Variants in RAI1 observed in about 807,000 individuals in gnomAD.
RAI1 encodes the protein retinoic acid-induced protein 1.
A neutral mutation model predicts 123.8 loss-of-function variants in RAI1; 9 were observed. The ratio of observed to expected loss-of-function variants is 0.07; its 90% CI spans 0.04 to 0.13. RAI1 has a LOEUF of 0.13. RAI1 is among the 10% of genes least tolerant of loss of function. The pLI is 1.00. For missense variants in RAI1, 2,256 were observed against 2,545.8 expected, an observed-to-expected ratio of 0.89 and a Z score of 2.45; for synonymous variants, 1,231 against 1,127.3, an observed-to-expected ratio of 1.09 and a Z score of -1.84.
intron 2 of RAI1, among the ~76,000 whole-genome samples, chr17:17,740,209 T>C (rs558194860): frequency 6.6e-6 from 1 of 152,324 alleles, no homozygotes; most frequent in Non-Finnish European, 1.5e-5. Context: ...GGAAAGGAGC[T>C]GTGCAGCCTC....
chr17:17,808,677 G>A (rs888763529), intron 4 of RAI1, among the ~76,000 whole-genome samples: 1 of 152,214 alleles, frequency 6.6e-6, no homozygotes, highest in Admixed American at 6.5e-5. Context: ...GAACTCCTGG[G>A]CTCAAGCGAT....
chr17:17,758,046 T>C (rs1008795291), intron 2 of RAI1, among the ~76,000 whole-genome samples: 6 of 152,218 alleles, frequency 3.9e-5, no homozygotes, highest in Non-Finnish European at 5.9e-5. Context: ...CCAGAGACAT[T>C]ATAAATCAAA....
rs2032706166 is a variant in RAI1 at position 17,810,210 on chromosome 17, A to ACGGCACAGGGCGTTCTTGCC, written c.*231_*250dup. 1 of 634,090 alleles carries ACGGCACAGGGCGTTCTTGCC rather than the reference A, an allele frequency of 1.6e-6. No individual in the cohort carries two copies. Among genetic ancestry groups the ACGGCACAGGGCGTTCTTGCC allele is most frequent in the African/African-American group, 1.9e-5 (1 of 51,980 alleles). The allele number at this position is 634,090 out of a possible 1,614,324, so 39.3% of individuals were successfully genotyped here. On this transcript the variant is annotated 3_prime_UTR_variant, in exon 6 of 6. Coordinates refer to ENST00000353383, the MANE Select transcript of RAI1 (RefSeq NM_030665.4). This position sits in a 1 kb window ranked among gnomAD's most constrained non-coding sequence, Gnocchi z 4.6. Reference sequence around the variant, plus strand: ...CGGAGCCGCCTGCTCCCGGAACCGGACGGCACAGGGCGTTCTTGCCCACCC... The same window carrying ACGGCACAGGGCGTTCTTGCC: ...CGGAGCCGCCTGCTCCCGGAACCGGACGGCACAGGGCGTTCTTGCCCGGCACAGGGCGTTCTTGCCCACCC...
At chr17:17,753,432 C>CT (rs2030298069) in intron 2 of RAI1, among the ~76,000 whole-genome samples, 1 of 152,234 alleles carries the variant, frequency 6.6e-6, no homozygotes, top group Non-Finnish European at 1.5e-5. Context: ...CAAAAGGGAG[C>CT]TAAACTCATG....
intron 2 of RAI1, among the ~76,000 whole-genome samples, chr17:17,754,926 G>A (rs561563345): frequency 9.1e-4 from 138 of 152,354 alleles, no homozygotes; most frequent in Non-Finnish European, 1.5e-3. Flanking sequence ...CTCTGAGAGG[G>A]CTGGTAATTT....
rs191286357 is a variant in RAI1, at chr17:17,797,142, G to A, written c.4194G>A (p.Pro1398=). ...AGCTCCCAACTTCTGGGGCTGATCC[G>A]TTATGCAGAAATCCAACCAACAGAT... ...GQKLPTSGAD[P]LCRNPTNRSL... is the part of the protein sequence containing the mutation. Residue 1398 remains proline, a synonymous_variant, in exon 3 of 6, where the codon CCG becomes CCA. Transcript: ENST00000353383. 5.3e-5 allele frequency: 85 copies of A among 1,614,026 alleles called. No individual in the cohort carries two copies. The highest frequency in any genetic ancestry group is 2.2e-4 in the East Asian group (10 of 44,880).
At chr17:17,697,999 G>A (rs74581346) in intron 1 of RAI1, among the ~76,000 whole-genome samples, 9 of 152,242 alleles carry the variant, frequency 5.9e-5, no homozygotes, top group Admixed American at 5.2e-4. Flanking sequence ...TTTTCCATCC[G>A]GCCCTGGGTG....
At chr17:17,695,452 C>T (rs1260436498) in intron 1 of RAI1, among the ~76,000 whole-genome samples, 4 of 152,196 alleles carry the variant, frequency 2.6e-5, no homozygotes, top group African/African-American at 7.2e-5. Flanking sequence ...ACTGCCCTGT[C>T]CCCACCCGGC....
chr17:17,700,838 T>C (rs1182404751), intron 1 of RAI1, among the ~76,000 whole-genome samples: 1 of 152,190 alleles, frequency 6.6e-6, no homozygotes, highest in Non-Finnish European at 1.5e-5. Flanking sequence ...CCCCCGGCCA[T>C]CTTGGGCTTG....
chr17:17,725,564 C>G (rs370900235), intron 2 of RAI1, among the ~76,000 whole-genome samples: 5 of 152,152 alleles, frequency 3.3e-5, no homozygotes, highest in African/African-American at 9.7e-5. Flanking sequence ...AGAGGCTTCC[C>G]GGCACGCAGA....
At chr17:17,752,229 T>C (rs1196870131) in intron 2 of RAI1, among the ~76,000 whole-genome samples, 2 of 152,096 alleles carry the variant, frequency 1.3e-5, no homozygotes, top group African/African-American at 4.8e-5. Flanking sequence ...CAGGTAGCCA[T>C]GGTGACAGCG....
intron 1 of RAI1, among the ~76,000 whole-genome samples, chr17:17,709,164 T>C (rs1237777163): frequency 6.6e-6 from 1 of 152,112 alleles, no homozygotes; most frequent in Admixed American, 6.5e-5. Flanking sequence ...GGGCCTAGTG[T>C]GCCGGGCACT....
chr17:17,746,190 C>T (rs1366241106), intron 2 of RAI1, among the ~76,000 whole-genome samples: 2 of 152,214 alleles, frequency 1.3e-5, no homozygotes, highest in African/African-American at 2.4e-5. Context: ...CCAAGCCCGG[C>T]AGATGCCCCC....
chr17:17,772,791 G>C (rs1443620878), intron 2 of RAI1, among the ~76,000 whole-genome samples: 2 of 152,170 alleles, frequency 1.3e-5, no homozygotes, highest in African/African-American at 4.8e-5. Flanking sequence ...TTCTCCACGA[G>C]GCTCTGAGCC....
rs547712867 is a variant in RAI1 at position 17,796,488 on chromosome 17, C to T, written c.3540C>T (p.Asn1180=). 1.9e-6 allele frequency: 3 copies of T among 1,611,132 alleles called. No homozygotes were observed. The South Asian group carries it at 3.3e-5, about 18-fold the overall frequency. ...GTGCCACCAAGAAGCTCCTCGACAA[C>T]AGCCACTTGCCCGCCACATTCAAGG... is the stretch of plus-strand genomic sequence containing the variant. ...NCRATKKLLD[N]SHLPATFKVS... is the part of the protein sequence containing the mutation. The change falls in exon 3 of 6, where the codon AAC becomes AAT. Residue 1180 remains asparagine, a synonymous_variant. Transcript: ENST00000353383. The surrounding 1 kb of genome is among the most constrained non-coding windows in gnomAD (Gnocchi z 5.8).
At chr17:17,789,662 C>CT (rs1250757133) in intron 2 of RAI1, among the ~76,000 whole-genome samples, 1 of 152,172 alleles carries the variant, frequency 6.6e-6, no homozygotes, top group East Asian at 1.9e-4. Context: ...GCTGAGAAGA[C>CT]TAAGTTCCAG....
intron 1 of RAI1, among the ~76,000 whole-genome samples, chr17:17,718,419 A>G (rs1915776430): frequency 6.6e-6 from 1 of 152,198 alleles, no homozygotes; most frequent in Non-Finnish European, 1.5e-5. Flanking sequence ...TTTTGCTCTC[A>G]GTTTCACATG....
chr17:17,694,838 GGTGCTGAGGCCCCGCCCCCT>G (rs1914964528), intron 1 of RAI1, among the ~76,000 whole-genome samples: 1 of 151,366 alleles, frequency 6.6e-6, no homozygotes, highest in Admixed American at 6.6e-5. Context: ...GGCGGGGCGG[GGTGCTGAGGCCCCGCCCCCT>G]GGCGGATCCC....
At chr17:17,728,045 C>T (rs750607956) in intron 2 of RAI1, among the ~76,000 whole-genome samples, 5 of 151,226 alleles carry the variant, frequency 3.3e-5, no homozygotes, top group Non-Finnish European at 7.4e-5. Flanking sequence ...ATGCGTGCCT[C>T]TGTGTGTGTG....
Sources: gnomAD v4.1 joint callset for allele counts (sites outside exome capture counted in the v4.1 genomes callset) on GRCh38, gnomAD v4.1.1 for gene constraint, Gnocchi (gnomAD v3.1) non-coding constraint, MANE v1.5 for transcripts, NCBI Gene and HGNC (gene_info 2026-07-23, HGNC 2026-07-21) for gene names.